The following PLCXD3 variants were observed in gnomAD, a reference collection of about 807,000 sequenced individuals.
PLCXD3 encodes the protein PI-PLC X domain-containing protein 3.
PLCXD3 carries 19 observed loss-of-function variants against 25.5 expected under a neutral mutation model. The observed-to-expected ratio is 0.75, with a 90% CI of 0.52 to 1.09. The LOEUF (loss-of-function observed/expected upper bound fraction) is 1.09. Ranked by LOEUF, PLCXD3 falls within the 50% of genes least tolerant of loss-of-function variation. The pLI is 0.00. For synonymous variants in PLCXD3, 174 were observed against 137.6 expected (o/e 1.26, Z -1.85); for missense variants, 411 against 388.1 (o/e 1.06, Z -0.50).
chr5:41,488,267 T>G (rs1237788915), intron 1 of PLCXD3, among the ~76,000 whole-genome samples: 2 of 144,534 alleles, frequency 1.4e-5, no homozygotes, highest in Non-Finnish European at 3.0e-5. Context: ...CTCATCATTT[T>G]TTATGGCTGC....
chr5:41,499,177 A>C (rs1403424133), intron 1 of PLCXD3, among the ~76,000 whole-genome samples: 1 of 151,588 alleles, frequency 6.6e-6, no homozygotes, highest in African/African-American at 2.4e-5. Context: ...AACAAAAAAG[A>C]AAGAAAATGT....
intron 2 of PLCXD3, among the ~76,000 whole-genome samples, chr5:41,380,980 C>G (rs773661700): frequency 1.3e-5 from 2 of 152,062 alleles, no homozygotes; most frequent in African/African-American, 2.4e-5. Flanking sequence ...CTCAGGGTAA[C>G]CATTCCTTAT....
At chr5:41,447,553 A>G (rs1271685119) in intron 1 of PLCXD3, among the ~76,000 whole-genome samples, 1 of 152,206 alleles carries the variant, frequency 6.6e-6, no homozygotes, top group Non-Finnish European at 1.5e-5. Context: ...ATAACAGCAT[A>G]TTGGAATTCA....
At chr5:41,470,659 A>T (rs1000523468) in intron 1 of PLCXD3, among the ~76,000 whole-genome samples, 3 of 152,242 alleles carry the variant, frequency 2.0e-5, no homozygotes, top group Admixed American at 1.3e-4. Context: ...CTATTGGCTG[A>T]GTTCCTAGTA....
At chr5:41,418,046 CAT>C (rs1746733761) in intron 1 of PLCXD3, among the ~76,000 whole-genome samples, 2 of 152,250 alleles carry the variant, frequency 1.3e-5, no homozygotes, top group African/African-American at 4.8e-5. Flanking sequence ...TCCAACAAAA[CAT>C]GTAATTGCCT....
At chr5:41,330,122 T>A (rs1743751356) in intron 2 of PLCXD3, among the ~76,000 whole-genome samples, 1 of 152,086 alleles carries the variant, frequency 6.6e-6, no homozygotes, top group Non-Finnish European at 1.5e-5. Context: ...CCAAAATCAA[T>A]TCATTAATTT....
At chr5:41,388,401 A>T (rs1745706214) in intron 1 of PLCXD3, among the ~76,000 whole-genome samples, 2 of 152,084 alleles carry the variant, frequency 1.3e-5, no homozygotes, top group Non-Finnish European at 2.9e-5. Flanking sequence ...ATAACATTGT[A>T]CTGCCACTGT....
intron 1 of PLCXD3, among the ~76,000 whole-genome samples, chr5:41,475,468 T>C (rs547526499): frequency 7.9e-5 from 12 of 152,248 alleles, no homozygotes; most frequent in South Asian, 4.1e-4. Flanking sequence ...TGGTCCCTGT[T>C]AGTTCCTGTG....
At chr5:41,340,938 A>G (rs578066907) in intron 2 of PLCXD3, among the ~76,000 whole-genome samples, 11 of 152,264 alleles carry the variant, frequency 7.2e-5, no homozygotes, top group African/African-American at 2.6e-4. Flanking sequence ...ACATTTTAGG[A>G]GATGAAAAAG....
chr5:41,345,120 A>G (rs1744262800), intron 2 of PLCXD3, among the ~76,000 whole-genome samples: 1 of 152,266 alleles, frequency 6.6e-6, no homozygotes, highest in Non-Finnish European at 1.5e-5. Flanking sequence ...CAAAAGTCCA[A>G]ATAGTAATTG....
chr5:41,412,376 G>A (rs1030212422), intron 1 of PLCXD3, among the ~76,000 whole-genome samples: 10 of 152,014 alleles, frequency 6.6e-5, no homozygotes, highest in African/African-American at 2.2e-4. Flanking sequence ...TAATTATACC[G>A]AAATGAAACT....
intron 1 of PLCXD3, among the ~76,000 whole-genome samples, chr5:41,491,675 T>C (rs1377961770): frequency 1.3e-5 from 2 of 152,226 alleles, no homozygotes; most frequent in South Asian, 4.2e-4. Flanking sequence ...ATTCATCCCT[T>C]TAGCATTATG....
At chr5:41,375,973 T>A (rs1038741143) in intron 2 of PLCXD3, among the ~76,000 whole-genome samples, 1 of 152,128 alleles carries the variant, frequency 6.6e-6, no homozygotes, top group African/African-American at 2.4e-5. Context: ...AATACCTAAT[T>A]TGTAAGGATG....
At chr5:41,361,154 G>T (rs886596066) in intron 2 of PLCXD3, among the ~76,000 whole-genome samples, 4 of 152,014 alleles carry the variant, frequency 2.6e-5, no homozygotes, top group African/African-American at 9.7e-5. Flanking sequence ...TGCCTCTTCT[G>T]AGTCATACAG....
At chr5:41,477,765 C>T (rs1053691529) in intron 1 of PLCXD3, among the ~76,000 whole-genome samples, 6 of 152,298 alleles carry the variant, frequency 3.9e-5, no homozygotes, top group South Asian at 2.1e-4. Context: ...TATCCACTCC[C>T]GACTATACCC....
intron 1 of PLCXD3, among the ~76,000 whole-genome samples, chr5:41,410,289 GC>G (rs1746479802): frequency 1.3e-5 from 2 of 151,676 alleles, no homozygotes; most frequent in South Asian, 2.1e-4. Context: ...ACAGGCGTGC[GC>G]CCCCACGCCT....
intron 1 of PLCXD3, among the ~76,000 whole-genome samples, chr5:41,472,739 C>A (rs1183359755): frequency 6.6e-6 from 1 of 152,184 alleles, no homozygotes; most frequent in African/African-American, 2.4e-5. Flanking sequence ...TATTTGTTAG[C>A]AACGTGCTGG....
At chr5:41,384,419 G>C (rs1446287486) in intron 1 of PLCXD3, among the ~76,000 whole-genome samples, 4 of 152,002 alleles carry the variant, frequency 2.6e-5, no homozygotes, top group Admixed American at 2.6e-4. Flanking sequence ...AATGATCTAA[G>C]ATTAGGAGAG....
At chr5:41,402,538 T>A (rs1398183911) in intron 1 of PLCXD3, among the ~76,000 whole-genome samples, 1 of 151,804 alleles carries the variant, frequency 6.6e-6, no homozygotes, top group African/African-American at 2.4e-5. Flanking sequence ...TTTATTCTAC[T>A]GTTATTGCAC....
Sources: gnomAD v4.1 joint callset for allele counts (sites outside exome capture counted in the v4.1 genomes callset) on GRCh38, gnomAD v4.1.1 for gene constraint, MANE v1.5 for transcripts, NCBI Gene and HGNC (gene_info 2026-07-23, HGNC 2026-07-21) for gene names.